The following EIF4G3 variants were observed in gnomAD, a reference collection of about 807,000 sequenced individuals.
EIF4G3 encodes the protein eIF-4-gamma 3.
A neutral mutation model predicts 186.4 loss-of-function variants in EIF4G3; 34 were observed. That is an observed-to-expected ratio of 0.18 (90% CI 0.14 to 0.24). The LOEUF is 0.24. EIF4G3 is among the 10% of genes least tolerant of loss of function. EIF4G3 has a pLI of 1.00. For synonymous variants in EIF4G3, 673 were observed against 679.5 expected, an observed-to-expected ratio of 0.99 and a Z score of 0.15; for missense variants, 1,536 against 1,948.5, an observed-to-expected ratio of 0.79 and a Z score of 3.99.
At chr1:21,159,455 A>G (rs1391254288) in intron 2 of EIF4G3, among the ~76,000 whole-genome samples, 7 of 150,384 alleles carry the variant, frequency 4.7e-5, no homozygotes, top group Admixed American at 1.3e-4. Flanking sequence ...AGAAAAAAAA[A>G]GGCTGGCGCG....
At chr1:20,865,058 AT>A in intron 21 of EIF4G3, 57 bp downstream of exon 21, 1 of 1,591,340 alleles carries the variant, frequency 6.3e-7, no homozygotes, top group Non-Finnish European at 8.6e-7. Context: ...GCTTCCTGAA[AT>A]TTCTACTTTA....
intron 4 of EIF4G3, among the ~76,000 whole-genome samples, chr1:21,032,673 T>C (rs1340388150): frequency 6.6e-6 from 1 of 152,174 alleles, no homozygotes; most frequent in African/African-American, 2.4e-5. Context: ...TCATCTTGAA[T>C]TCTATTTATG....
intron 2 of EIF4G3, among the ~76,000 whole-genome samples, chr1:21,144,581 G>A (rs2097402253): frequency 6.6e-6 from 1 of 152,050 alleles, no homozygotes; most frequent in Non-Finnish European, 1.5e-5. Context: ...TTTTATGGAT[G>A]AAATACAACA....
At chr1:20,900,013 T>G in intron 15 of EIF4G3, 70 bp from the exon 16 acceptor site, 2 of 1,446,172 alleles carry the variant, frequency 1.4e-6, no homozygotes, top group Non-Finnish European at 1.9e-6. Flanking sequence ...AACCTACATC[T>G]ACTCCCTTCA....
intron 8 of EIF4G3, among the ~76,000 whole-genome samples, chr1:20,981,526 T>C (rs929707039): frequency 1.5e-5 from 1 of 67,818 alleles, no homozygotes; most frequent in African/African-American, 5.1e-5. Context: ...TATACATACA[T>C]ACATGTATAC....
chr1:20,887,957 A>G (rs755031415), intron 18 of EIF4G3, among the ~76,000 whole-genome samples: 1 of 152,210 alleles, frequency 6.6e-6, no homozygotes, highest in Non-Finnish European at 1.5e-5. Flanking sequence ...GTAAACAATT[A>G]TATCACAAGA....
At chr1:21,033,051 G>A in intron 4 of EIF4G3, among the ~76,000 whole-genome samples, 1 of 152,112 alleles carries the variant, frequency 6.6e-6, no homozygotes, top group East Asian at 1.9e-4. Context: ...TAACACTGCT[G>A]AATGATTTCT....
At chr1:21,086,206 T>TC (rs2095973691) in intron 3 of EIF4G3, among the ~76,000 whole-genome samples, 1 of 144,258 alleles carries the variant, frequency 6.9e-6, no homozygotes, top group Admixed American at 7.0e-5. Flanking sequence ...ACTCTTTTTT[T>TC]TTTTTTTTTT....
At chr1:20,879,102 T>C in intron 20 of EIF4G3, among the ~76,000 whole-genome samples, 1 of 152,134 alleles carries the variant, frequency 6.6e-6, no homozygotes, top group Non-Finnish European at 1.5e-5. Context: ...AATGGGCCCA[T>C]CTCATGCCCA....
At chr1:20,866,122 A>G (rs1571899388) in intron 20 of EIF4G3, among the ~76,000 whole-genome samples, 1 of 152,220 alleles carries the variant, frequency 6.6e-6, no homozygotes, top group Non-Finnish European at 1.5e-5. Context: ...AGTGGCTCCC[A>G]AAGTTCTGAA....
At chr1:20,919,154 T>G (rs1319223126) in intron 14 of EIF4G3, among the ~76,000 whole-genome samples, 1 of 152,206 alleles carries the variant, frequency 6.6e-6, no homozygotes, top group African/African-American at 2.4e-5. Flanking sequence ...ACAGACAGGT[T>G]AAACTTATAC....
chr1:21,063,617 A>C (rs2095051412), intron 3 of EIF4G3, among the ~76,000 whole-genome samples: 1 of 151,034 alleles, frequency 6.6e-6, no homozygotes, highest in African/African-American at 2.4e-5. Flanking sequence ...GTGCACAGCA[A>C]AACAACTTGA....
At chr1:20,938,883 C>T (rs931434365) in intron 14 of EIF4G3, among the ~76,000 whole-genome samples, 9 of 151,664 alleles carry the variant, frequency 5.9e-5, no homozygotes, top group Non-Finnish European at 1.3e-4. Flanking sequence ...CTGAGGCGGG[C>T]GGATCACAAG....
rs945748282 is a variant in EIF4G3 at position 20,893,665 on chromosome 1, T to C, written c.2134-29A>G. The C allele has an allele frequency of 9.2e-6, 14 of 1,518,750 alleles. No individual in the cohort carries two copies. In the Middle Eastern group the frequency reaches 5.3e-4, roughly 58 times the overall value. The allele number at this position is 1,518,750 out of a possible 1,614,324, so 94.1% of individuals were successfully genotyped here. A position where few individuals can be genotyped will look rare whatever the true frequency, so the allele number is the denominator to read the frequency against. On this transcript the variant is annotated intron_variant, in intron 17 of 36. Transcript: ENST00000602326. ...CATGAAAAAGCAAAAGAAAGCTTAA[T>C]ACATGTTCCAGAGCATTCCCTGCCA...
intron 2 of EIF4G3, among the ~76,000 whole-genome samples, chr1:21,110,426 C>T (rs1572699535): frequency 6.6e-6 from 1 of 152,062 alleles, no homozygotes; most frequent in Non-Finnish European, 1.5e-5. Flanking sequence ...CTCTGAGTAG[C>T]TGGGATTACA....
At position 20,857,583 on chromosome 1, in the gene EIF4G3, A is replaced by C. The variant is rs959077352; in HGVS notation, c.3245-86T>G. 9.1e-6 allele frequency: 10 copies of C among 1,096,464 alleles called. No individual in the cohort carries two copies. In the African/African-American group the frequency reaches 1.2e-4, roughly 14 times the overall value. The allele number at this position is 1,096,464 out of a possible 1,614,324, so 67.9% of individuals were successfully genotyped here. On this transcript the variant is annotated intron_variant, in intron 24 of 36. Transcript: ENST00000602326. ...GTGAGCAATATTTTCATCAAAACCA[A>C]GGAGAAAGACAACAGAAGATGTTAA...
chr1:20,834,316 T>C (rs188958274), intron 30 of EIF4G3, among the ~76,000 whole-genome samples: 1 of 152,144 alleles, frequency 6.6e-6, no homozygotes, highest in Non-Finnish European at 1.5e-5. Flanking sequence ...CCAGGCATCA[T>C]GATGCATGGC....
intron 15 of EIF4G3, among the ~76,000 whole-genome samples, chr1:20,904,427 C>T (rs1045129702): frequency 2.6e-5 from 4 of 152,132 alleles, no homozygotes; most frequent in Non-Finnish European, 5.9e-5. Context: ...CTCACTGCAG[C>T]CTCCACCTCC....
chr1:21,162,927 C>A (rs907276255), intron 2 of EIF4G3, among the ~76,000 whole-genome samples: 3 of 152,210 alleles, frequency 2.0e-5, no homozygotes, highest in African/African-American at 4.8e-5. Flanking sequence ...TTGGCATGAA[C>A]TTTATGGTTA....
Sources: allele counts gnomAD v4.1 joint callset (sites outside exome capture counted in the v4.1 genomes callset), GRCh38; gene constraint gnomAD v4.1.1; transcripts MANE v1.5; gene names NCBI Gene and HGNC (gene_info 2026-07-23, HGNC 2026-07-21).